The following SEPTIN11 variants were observed in gnomAD, a reference collection of about 807,000 sequenced individuals.
SEPTIN11 encodes septin 11, also known as septin-11.
In SEPTIN11, 25 loss-of-function variants were observed where a neutral mutation model predicts 51.4. The observed-to-expected ratio is 0.49, with a 90% CI of 0.35 to 0.68. The LOEUF (loss-of-function observed/expected upper bound fraction) is 0.68, where lower values mean the gene tolerates loss of function less well. Among genes scored for constraint, SEPTIN11 ranks in the 30% least tolerant of loss-of-function variants. The pLI is 0.00. For synonymous variants in SEPTIN11, 174 were observed against 184.1 expected (o/e 0.95, Z 0.44); for missense variants, 381 against 520.8 (o/e 0.73, Z 2.61).
At chr4:76,981,870 G>A (rs1375439037) in intron 1 of SEPTIN11, among the ~76,000 whole-genome samples, 1 of 151,922 alleles carries the variant, frequency 6.6e-6, no homozygotes, top group Non-Finnish European at 1.5e-5. Flanking sequence ...ATCCCTTGGT[G>A]TGCTGGTCTG....
intron 1 of SEPTIN11, among the ~76,000 whole-genome samples, chr4:76,961,996 T>C (rs944643187): frequency 5.3e-5 from 8 of 152,178 alleles, no homozygotes; most frequent in African/African-American, 1.9e-4. Flanking sequence ...TGCTTCTAAA[T>C]GAGATGCTTT....
chr4:76,969,776 G>A (rs1722167912), intron 1 of SEPTIN11, among the ~76,000 whole-genome samples: 1 of 152,060 alleles, frequency 6.6e-6, no homozygotes, highest in Non-Finnish European at 1.5e-5. Flanking sequence ...TTAAACCAGA[G>A]GGTTAGTTAA....
chr4:77,019,157 C>T lies in SEPTIN11; in HGVS notation c.688-8C>T. 1 of 1,611,222 alleles carries T rather than the reference C, an allele frequency of 6.2e-7. No individual in the cohort carries two copies. The highest frequency in any genetic ancestry group is 1.3e-5 in the African/African-American group (1 of 75,026). On this transcript the variant is annotated splice_region_variant and splice_polypyrimidine_tract_variant and intron_variant, in intron 5 of 9. Transcript: ENST00000264893. Reference sequence around the variant, plus strand: ...AAAGTAACTATTCTCTGTCCTTTTGCTTGGCAGGTCCATCTCCCATTTGCA... The same window carrying T: ...AAAGTAACTATTCTCTGTCCTTTTGTTTGGCAGGTCCATCTCCCATTTGCA...
At chr4:77,002,148 C>T (rs1358935826) in intron 2 of SEPTIN11, among the ~76,000 whole-genome samples, 2 of 152,170 alleles carry the variant, frequency 1.3e-5, no homozygotes, top group Non-Finnish European at 2.9e-5. Context: ...AAGCAAAGCA[C>T]ACCAAAGTTT....
At chr4:76,961,323 C>G (rs544026529) in intron 1 of SEPTIN11, among the ~76,000 whole-genome samples, 8 of 151,918 alleles carry the variant, frequency 5.3e-5, no homozygotes, top group Non-Finnish European at 1.2e-4. Context: ...AAGGGCACAC[C>G]AAAGGGAATT....
At chr4:76,950,789 T>C (rs1251408844) in intron 1 of SEPTIN11, among the ~76,000 whole-genome samples, 5 of 151,818 alleles carry the variant, frequency 3.3e-5, no homozygotes. Flanking sequence ...AGGGTGCGGT[T>C]CAGTGGCCGC....
intron 4 of SEPTIN11, among the ~76,000 whole-genome samples, chr4:77,013,913 A>G (rs900017128): frequency 2.6e-5 from 4 of 152,108 alleles, no homozygotes; most frequent in African/African-American, 9.7e-5. Flanking sequence ...TCTTATTGAA[A>G]CCTGTGTTTA....
At chr4:77,019,350 G>GGCCT in intron 6 of SEPTIN11, 89 bp downstream of exon 6, 2 of 1,111,752 alleles carry the variant, frequency 1.8e-6, no homozygotes, top group Non-Finnish European at 2.5e-6. Flanking sequence ...GTTTAGGGAG[G>GGCCT]CCCTCAACAG....
chr4:77,003,427 T>C (rs80181518), intron 2 of SEPTIN11, among the ~76,000 whole-genome samples: 54 of 152,348 alleles, frequency 3.5e-4, no homozygotes, highest in African/African-American at 1.3e-3. Context: ...CTAGACCAGA[T>C]TCTAAGATGT....
At chr4:77,016,842 A>G (rs1463413479) in intron 5 of SEPTIN11, among the ~76,000 whole-genome samples, 2 of 151,554 alleles carry the variant, frequency 1.3e-5, no homozygotes, top group Non-Finnish European at 2.9e-5. Context: ...AACTATTTAT[A>G]TAGTGTTTAC....
At chr4:76,975,313 A>G (rs1050121980) in intron 1 of SEPTIN11, among the ~76,000 whole-genome samples, 1 of 152,082 alleles carries the variant, frequency 6.6e-6, no homozygotes, top group Non-Finnish European at 1.5e-5. Context: ...TACTATGACT[A>G]TGTCAGCTTG....
chr4:77,025,168 C>T (rs893519385), intron 7 of SEPTIN11, among the ~76,000 whole-genome samples: 1 of 152,076 alleles, frequency 6.6e-6, no homozygotes, highest in African/African-American at 2.4e-5. Context: ...GAAAAAGGTA[C>T]ACATTTCTCA....
At chr4:76,967,154 G>T (rs1213461374) in intron 1 of SEPTIN11, among the ~76,000 whole-genome samples, 1 of 152,116 alleles carries the variant, frequency 6.6e-6, no homozygotes, top group Non-Finnish European at 1.5e-5. Flanking sequence ...CCAAGATCAT[G>T]CCCCTTTACT....
chr4:76,956,405 T>C lies in SEPTIN11; in HGVS notation c.27+6475T>C, dbSNP rs78343220. Among the ~76,000 whole-genome samples the C allele has an allele frequency of 5.8e-3, 889 of 152,346 alleles. 6 individuals are homozygous for C. Among genetic ancestry groups the C allele is most frequent in the African/African-American group, 0.021 (857 of 41,582 alleles). On this transcript the variant is annotated intron_variant, in intron 1 of 9. Transcript: ENST00000264893. ...GGAACCAAAGGCTTTTAGACCAACA[T>C]GCATACAGACCTCCCATCTGATTCA...
chr4:76,978,707 G>A (rs1454976765), intron 1 of SEPTIN11, among the ~76,000 whole-genome samples: 2 of 152,162 alleles, frequency 1.3e-5, no homozygotes, highest in East Asian at 1.9e-4. Flanking sequence ...CATAATGCCT[G>A]CCATATATGT....
chr4:77,037,084 A>G lies in SEPTIN11; in HGVS notation c.*2572A>G. 9.1e-7 allele frequency: 1 copy of G among 1,102,088 alleles called. No individual in the cohort carries two copies. The allele number at this position is 1,102,088 out of a possible 1,614,324, so 68.3% of individuals were successfully genotyped here. A position where few individuals can be genotyped will look rare whatever the true frequency, so the allele number is the denominator to read the frequency against. ...AAATCCGAAATTACTAATCCAGGCC[A>G]GGTGTGGTGGCTCATGCCTGTAATC... On this transcript the variant is annotated 3_prime_UTR_variant, in exon 10 of 10. Transcript: ENST00000264893.
chr4:77,016,801 A>C (rs900221334), intron 5 of SEPTIN11, among the ~76,000 whole-genome samples: 27 of 143,518 alleles, frequency 1.9e-4, no homozygotes, highest in Admixed American at 7.1e-4. Flanking sequence ...AATAAATTCT[A>C]CAAAAAAAAT....
chr4:76,978,300 T>G (rs1722597855), intron 1 of SEPTIN11, among the ~76,000 whole-genome samples: 1 of 152,176 alleles, frequency 6.6e-6, no homozygotes, highest in Non-Finnish European at 1.5e-5. Flanking sequence ...GTTGCTTTCC[T>G]TGTGTGCTCT....
rs1280100695 is a variant in SEPTIN11 at position 77,016,611 on chromosome 4, TACACATATATATATATATACAC to T, written c.687+1596_687+1617del. Among the ~76,000 whole-genome samples, 51 of 82,860 alleles carry T rather than the reference TACACATATATATATATATACAC, an allele frequency of 6.2e-4. 1 individual carries two copies. The highest frequency in any genetic ancestry group is 2.6e-3 in the African/African-American group (48 of 18,220). 54.4% of individuals were successfully genotyped at this position (82,860 alleles called of 152,430 possible). ...ATATATACACACACATATATATATA[TACACATATATATATATATACAC>T]ATATATATATATATATATATATACA... On this transcript the variant is annotated intron_variant, in intron 5 of 9. Transcript: ENST00000264893.
Sources: allele counts gnomAD v4.1 joint callset (sites outside exome capture counted in the v4.1 genomes callset), GRCh38; gene constraint gnomAD v4.1.1; transcripts MANE v1.5; gene names NCBI Gene and HGNC (gene_info 2026-07-23, HGNC 2026-07-21).